The following MYO18B variants were observed in gnomAD, a reference collection of about 807,000 sequenced individuals.
MYO18B encodes unconventional myosin-XVIIIb.
Under a neutral mutation model 273.0 loss-of-function variants are expected in MYO18B, and 204 were observed. The ratio of observed to expected loss-of-function variants is 0.75; its 90% confidence interval spans 0.67 to 0.84. The LOEUF (loss-of-function observed/expected upper bound fraction) is 0.84. MYO18B is among the 40% of genes least tolerant of loss of function. MYO18B has a pLI of 0.00. For missense variants in MYO18B, 3,212 were observed against 3,287.6 expected (o/e 0.98, Z 0.56); for synonymous variants, 1,330 against 1,305.7 (o/e 1.02, Z -0.40).
At chr22:25,948,806 G>T (rs923249875) in intron 36 of MYO18B, among the ~76,000 whole-genome samples, 1 of 152,034 alleles carries the variant, frequency 6.6e-6, no homozygotes, top group Non-Finnish European at 1.5e-5. Context: ...AGTCCAGAAA[G>T]GAAGTGTACA....
At chr22:25,995,541 A>C (rs1384598990) in intron 40 of MYO18B, among the ~76,000 whole-genome samples, 1 of 152,216 alleles carries the variant, frequency 6.6e-6, no homozygotes, top group East Asian at 1.9e-4. Context: ...TGTACCCACA[A>C]AAATTAAAAA....
Position 25,969,377 on chromosome 22 carries a change from A to G in MYO18B, c.6156+14013A>G, listed in dbSNP as rs185630846. Among the ~76,000 whole-genome samples the G allele has an allele frequency of 1.1e-4, 17 of 152,330 alleles. No individual in the cohort carries two copies. In the East Asian group the frequency reaches 1.9e-3, roughly 17 times the overall value. On this transcript the variant is annotated intron_variant, in intron 39 of 43. Coordinates refer to ENST00000335473, the MANE Select transcript of MYO18B (RefSeq NM_032608.7). ...CAGAGCTCCCCATTAGGGCTCATCT[A>G]CTTTTCCACCCTGGCCCCTGAGGCA...
chr22:25,962,264 CCT>C (rs1344732746), intron 39 of MYO18B, among the ~76,000 whole-genome samples: 2 of 152,132 alleles, frequency 1.3e-5, no homozygotes, highest in Non-Finnish European at 2.9e-5. Flanking sequence ...TCCCGTACCC[CCT>C]GTGCCCACCC....
chr22:25,790,137 C>T (rs2087595017), intron 11 of MYO18B, among the ~76,000 whole-genome samples: 1 of 137,844 alleles, frequency 7.3e-6, no homozygotes, highest in African/African-American at 2.7e-5. Context: ...TGGGCGACAG[C>T]GTGAGACTCC....
rs755814896 is a variant in MYO18B at position 25,877,980 on chromosome 22, C to G, written c.4246C>G (p.Arg1416Gly). ...AKEEELTTLR[R>G]KLEKSEKLRN... Reference sequence around the variant, plus strand: ...GTAGGAGGAGCTTACAACGCTAAGACGGAAGCTAGAAAAATCAGAGAAGTT... The same window carrying G: ...GTAGGAGGAGCTTACAACGCTAAGAGGGAAGCTAGAAAAATCAGAGAAGTT... The change falls in exon 25 of 44, where the codon CGG becomes GGG. Residue 1416 changes from arginine (R) to glycine (G), a missense_variant. Physicochemically the swap from Arg to Gly is moderately radical, Grantham distance 125. Transcript: ENST00000335473. 1.3e-6 allele frequency: 2 copies of G among 1,579,160 alleles called. No homozygotes were observed. The highest frequency in any genetic ancestry group is 1.7e-6 in the Non-Finnish European group (2 of 1,162,060).
intron 13 of MYO18B, 31 bp downstream of exon 13, chr22:25,823,709 G>A (rs1324902999): frequency 6.2e-7 from 1 of 1,612,330 alleles, no homozygotes; most frequent in Non-Finnish European, 8.5e-7. Flanking sequence ...TGGGTGAGCT[G>A]GGCCCCCCTC....
Position 25,785,567 on chromosome 22 carries a change from C to T in MYO18B, c.2376+76C>T, listed in dbSNP as rs1451669564. The stretch of plus-strand genomic sequence containing the variant: ...GATGGGAGGGTGATGAGTCGCCGTG[C>T]AACTTGTCTCTTTTGGTACTGGGGT... On this transcript the variant is annotated intron_variant, in intron 11 of 43. Transcript: ENST00000335473. The T allele has an allele frequency of 1.5e-5, 22 of 1,462,388 alleles. No individual in the cohort carries two copies. In the Admixed American group the frequency reaches 4.1e-4, roughly 27 times the overall value. The allele number at this position is 1,462,388 out of a possible 1,614,324, so 90.6% of individuals were successfully genotyped here. A position where few individuals can be genotyped will look rare whatever the true frequency, so the allele number is the denominator to read the frequency against.
chr22:25,973,042 C>T (rs1003417123), intron 39 of MYO18B, among the ~76,000 whole-genome samples: 1 of 151,280 alleles, frequency 6.6e-6, no homozygotes, highest in Admixed American at 6.6e-5. Context: ...AGCTATGGTT[C>T]CTGCCTCTGT....
intron 12 of MYO18B, among the ~76,000 whole-genome samples, chr22:25,818,885 T>C (rs1466167103): frequency 6.6e-6 from 1 of 152,120 alleles, no homozygotes; most frequent in Admixed American, 6.6e-5. Flanking sequence ...AAGATTCCGT[T>C]TCACAGACAA....
At chr22:25,850,361 A>G (rs2090389071) in intron 20 of MYO18B, among the ~76,000 whole-genome samples, 1 of 151,588 alleles carries the variant, frequency 6.6e-6, no homozygotes, top group African/African-American at 2.4e-5. Flanking sequence ...GTCTTTGGCT[A>G]CTCTCCGCTG....
At chr22:25,838,473 TAC>T (rs569567874) in intron 17 of MYO18B, among the ~76,000 whole-genome samples, 1 of 152,184 alleles carries the variant, frequency 6.6e-6, no homozygotes, top group Non-Finnish European at 1.5e-5. Context: ...GTGCTAGGAT[TAC>T]ACACACACAG....
At chr22:25,992,220 A>G in intron 39 of MYO18B, 143 bp from the exon 40 acceptor site, 1 of 926,384 alleles carries the variant, frequency 1.1e-6, no homozygotes, top group African/African-American at 1.6e-5. Flanking sequence ...GTCCGCAGAG[A>G]GAGCCTCTCA....
chr22:25,860,755 ATAT>A (rs1190258791), intron 21 of MYO18B, among the ~76,000 whole-genome samples: 2 of 152,162 alleles, frequency 1.3e-5, no homozygotes, highest in African/African-American at 4.8e-5. Context: ...TTGTGGCCTA[ATAT>A]TATATATCTA....
chr22:25,798,215 T>G, intron 12 of MYO18B, 118 bp downstream of exon 12: 18 of 1,308,916 alleles, frequency 1.4e-5, no homozygotes, highest in South Asian at 4.6e-5. Flanking sequence ...TCTATGTCTC[T>G]GGGACTTCCC....
intron 34 of MYO18B, among the ~76,000 whole-genome samples, chr22:25,932,643 C>T (rs1295710381): frequency 2.0e-5 from 3 of 152,116 alleles, no homozygotes; most frequent in Non-Finnish European, 4.4e-5. Flanking sequence ...CTCCCGACCT[C>T]AGGTGATCTG....
At chr22:25,801,553 C>T (rs1034091249) in intron 12 of MYO18B, among the ~76,000 whole-genome samples, 3 of 152,186 alleles carry the variant, frequency 2.0e-5, no homozygotes, top group Non-Finnish European at 4.4e-5. Flanking sequence ...CTGTGGTACA[C>T]AGGACTTGGC....
chr22:26,060,819 C>CATACATAT, the MYO18B span, among the ~76,000 whole-genome samples: 1 of 139,248 alleles, frequency 7.2e-6, no homozygotes, highest in Non-Finnish European at 1.6e-5. Context: ...TAAACACATG[C>CATACATAT]ATACATATAT....
intron 34 of MYO18B, among the ~76,000 whole-genome samples, chr22:25,927,358 C>A (rs900160527): frequency 2.6e-5 from 4 of 152,102 alleles, no homozygotes; most frequent in African/African-American, 4.8e-5. Context: ...TATAAACAGC[C>A]CCCCTAGGTG....
intron 40 of MYO18B, among the ~76,000 whole-genome samples, chr22:25,998,844 C>T (rs1933625001): frequency 6.6e-6 from 1 of 152,150 alleles, no homozygotes; most frequent in Admixed American, 6.5e-5. Context: ...GTTCAAGTTG[C>T]AATGCAAGGC....
Sources: gnomAD v4.1 joint callset for allele counts (sites outside exome capture counted in the v4.1 genomes callset) on GRCh38, gnomAD v4.1.1 for gene constraint, MANE v1.5 for transcripts, NCBI Gene and HGNC (gene_info 2026-07-23, HGNC 2026-07-21) for gene names.